ZSWIM5: variants seen among roughly 807,000 people sequenced by gnomAD.
The protein encoded by ZSWIM5 is zinc finger SWIM domain-containing protein 5.
A neutral mutation model predicts 119.6 loss-of-function variants in ZSWIM5; 55 were observed. The ratio of observed to expected loss-of-function variants is 0.46; its 90% CI spans 0.37 to 0.58. ZSWIM5 has a LOEUF of 0.58. ZSWIM5 is among the 20% of genes least tolerant of loss of function. The pLI, the probability that ZSWIM5 is intolerant of heterozygous loss-of-function variation, is 0.00. For missense variants in ZSWIM5, 1,193 were observed against 1,512.8 expected (o/e 0.79, Z 3.51); for synonymous variants, 537 against 606.9 (o/e 0.88, Z 1.69).
At chr1:45,189,524 G>C (rs1478868535) in intron 1 of ZSWIM5, among the ~76,000 whole-genome samples, 1 of 151,842 alleles carries the variant, frequency 6.6e-6, no homozygotes, top group Non-Finnish European at 1.5e-5. Context: ...GGGAGGCCGA[G>C]GTAGGTGGAT....
At chr1:45,080,239 G>A (rs770536675) in intron 2 of ZSWIM5, among the ~76,000 whole-genome samples, 10 of 152,270 alleles carry the variant, frequency 6.6e-5, no homozygotes, top group East Asian at 1.9e-4. Context: ...ACTGCCTTTC[G>A]AGTTTATTTA....
At chr1:45,157,477 C>T (rs1406199524) in intron 1 of ZSWIM5, among the ~76,000 whole-genome samples, 12 of 152,146 alleles carry the variant, frequency 7.9e-5, no homozygotes, top group East Asian at 7.7e-4. Context: ...GCCTGGCCAA[C>T]GAATTATTTT....
At chr1:45,194,187 A>C (rs996139833) in intron 1 of ZSWIM5, among the ~76,000 whole-genome samples, 10 of 152,180 alleles carry the variant, frequency 6.6e-5, no homozygotes, top group African/African-American at 2.4e-4. Context: ...CTTTTCCAGA[A>C]TCTATCAGTG....
chr1:45,059,948 C>G, intron 3 of ZSWIM5, 151 bp downstream of exon 3: 1 of 937,986 alleles, frequency 1.1e-6, no homozygotes, highest in South Asian at 1.7e-5. Flanking sequence ...CTGCTCAGGT[C>G]TGGTCAGCCT....
chr1:45,079,136 A>G (rs566190048), intron 2 of ZSWIM5, among the ~76,000 whole-genome samples: 167 of 151,116 alleles, frequency 1.1e-3, no homozygotes, highest in African/African-American at 3.9e-3. Flanking sequence ...AAGCTCCCCC[A>G]TTGAGCACCT....
intron 1 of ZSWIM5, among the ~76,000 whole-genome samples, chr1:45,165,474 AACTGAAGGAGATAGAGACACAAAAAACCC>A (rs1480093618): frequency 6.6e-6 from 1 of 152,136 alleles, no homozygotes; most frequent in African/African-American, 2.4e-5. Context: ...GTCAGAGCAG[AACTGAAGGAGATAGAGACACAAAAAACCC>A]TTCAAAAAAT....
intron 1 of ZSWIM5, among the ~76,000 whole-genome samples, chr1:45,169,103 TCATCTTTCTTCCAACA>T (rs1345015391): frequency 6.6e-6 from 1 of 152,038 alleles, no homozygotes; most frequent in Non-Finnish European, 1.5e-5. Flanking sequence ...ATAAACAGGC[TCATCTTTCTTCCAACA>T]CATCATGTTC....
Position 45,198,177 on chromosome 1 carries a change from C to T in ZSWIM5, c.595+7579G>A, listed in dbSNP as rs72888976. Among the ~76,000 whole-genome samples, 457 of 152,332 alleles carry T rather than the reference C, an allele frequency of 3.0e-3. 2 individuals are homozygous for T. Among genetic ancestry groups the T allele is most frequent in the African/African-American group, 9.9e-3 (411 of 41,570 alleles). ...AAATTAAAGTTGAACAAACTTTCCA[C>T]TTGACAGGTGCCAAAACCACAGCAT... On this transcript the variant is annotated intron_variant, in intron 1 of 13. Transcript: ENST00000359600.
intron 1 of ZSWIM5, among the ~76,000 whole-genome samples, chr1:45,137,156 T>C (rs1397643157): frequency 6.6e-6 from 1 of 152,136 alleles, no homozygotes; most frequent in Non-Finnish European, 1.5e-5. Context: ...CATAGCTCAT[T>C]GAGGCCAAGT....
intron 12 of ZSWIM5, 131 bp downstream of exon 12, chr1:45,020,494 T>TA: frequency 8.9e-7 from 1 of 1,129,768 alleles, no homozygotes. Flanking sequence ...TTCCCTAGCC[T>TA]AGAACTTGTG....
In ZSWIM5 at chr1:45,051,254, C is replaced by T. The variant is rs758681952; in HGVS notation, c.1253-1G>A. 2 of 1,612,086 alleles carry T rather than the reference C, an allele frequency of 1.2e-6. No individual in the cohort carries two copies. The highest frequency in any genetic ancestry group is 3.4e-5 in the Admixed American group (2 of 59,422). ...AAAATTATGCACACCCATAAAGCCC[C>T]TGGAAAATAAAGCAACCCATATTCT... is the stretch of plus-strand genomic sequence containing the variant. On this transcript the variant is annotated splice_acceptor_variant, in intron 4 of 13. Transcript: ENST00000359600. LOFTEE classifies it high-confidence loss of function.
At position 45,164,293 on chromosome 1, in the gene ZSWIM5, C is replaced by A. The variant is rs929487383; in HGVS notation, c.595+41463G>T. Among the ~76,000 whole-genome samples, 8 of 152,140 alleles carry A rather than the reference C, an allele frequency of 5.3e-5. No homozygotes were observed. In the South Asian group the frequency reaches 6.2e-4, roughly 12 times the overall value. On this transcript the variant is annotated intron_variant, in intron 1 of 13. Coordinates refer to ENST00000359600, the MANE Select transcript of ZSWIM5 (RefSeq NM_020883.2). ...GCTGAGAGATTTTGTCACCACCAGG[C>A]CTGCCCTACAAGAGCTCCTGAAGGA...
chr1:45,164,050 A>G lies in ZSWIM5; in HGVS notation c.595+41706T>C, dbSNP rs376922564. Among the ~76,000 whole-genome samples the G allele has an allele frequency of 7.9e-5, 12 of 152,326 alleles. No individual in the cohort carries two copies. The East Asian group carries it at 1.9e-3, about 24-fold the overall frequency. On this transcript the variant is annotated intron_variant, in intron 1 of 13. Transcript: ENST00000359600. ...CACCAAAGTTGAAATGAAGGAAAAAATGTTGAGGGCAGCCAGAGAGAAAGG... is the reference window on the plus strand; with the variant it reads ...CACCAAAGTTGAAATGAAGGAAAAAGTGTTGAGGGCAGCCAGAGAGAAAGG...
intron 1 of ZSWIM5, among the ~76,000 whole-genome samples, chr1:45,101,059 T>G (rs968761623): frequency 1.6e-4 from 24 of 152,118 alleles, no homozygotes; most frequent in African/African-American, 5.5e-4. Context: ...CTAATTAAAC[T>G]AAAGAGCTTC....
chr1:45,194,757 G>A (rs533635653), intron 1 of ZSWIM5, among the ~76,000 whole-genome samples: 1 of 151,954 alleles, frequency 6.6e-6, no homozygotes, highest in Non-Finnish European at 1.5e-5. Flanking sequence ...GGCATCTGTA[G>A]TCCCAGCTAC....
Position 45,205,922 on chromosome 1 carries a change from G to T in ZSWIM5, c.429C>A (p.Pro143=). Residue 143 remains proline (P), a synonymous_variant, in exon 1 of 14, where the codon CCC becomes CCA. Coordinates refer to ENST00000359600, the MANE Select transcript of ZSWIM5 (RefSeq NM_020883.2). ...CGGAGCCGGCCGGAGCGGCGGCCCC[G>T]GGGGGTGGCTGCGGCCCCTCCTCGG... ...SPAEEGPQPP[P]GAAAPAGSAP... The T allele has an allele frequency of 9.1e-7, 1 of 1,104,568 alleles. No homozygotes were observed. The highest frequency in any genetic ancestry group is 1.1e-6 in the Non-Finnish European group (1 of 906,598). The allele number at this position is 1,104,568 out of a possible 1,614,324, so 68.4% of individuals were successfully genotyped here. A position where few individuals can be genotyped will look rare whatever the true frequency, so the allele number is the denominator to read the frequency against.
chr1:45,143,644 A>G (rs967306839), intron 1 of ZSWIM5, among the ~76,000 whole-genome samples: 4 of 152,156 alleles, frequency 2.6e-5, no homozygotes, highest in African/African-American at 9.7e-5. Context: ...CCTATTGAAC[A>G]CTGTACTGAA....
rs548453133 is a variant in ZSWIM5, at chr1:45,017,349, G to A, written c.*1105C>T. ...TGTTTATACACATGCACTCGTGTACGCAGATACACATACTAAACATGCACA... is the reference window on the plus strand; with the variant it reads ...TGTTTATACACATGCACTCGTGTACACAGATACACATACTAAACATGCACA... On this transcript the variant is annotated 3_prime_UTR_variant, in exon 14 of 14. Transcript: ENST00000359600. The A allele has an allele frequency of 6.6e-6, 1 of 152,156 alleles. No individual in the cohort carries two copies. Among genetic ancestry groups the A allele is most frequent in the African/African-American group, 2.4e-5 (1 of 41,430 alleles). The allele number at this position is 152,156 out of a possible 1,614,324, so 9.4% of individuals were successfully genotyped here.
chr1:45,030,478 T>C (rs533098220), intron 11 of ZSWIM5, among the ~76,000 whole-genome samples: 1 of 151,942 alleles, frequency 6.6e-6, no homozygotes, highest in South Asian at 2.1e-4. Context: ...AACTCCTACC[T>C]TTAGGTTATC....
Sources: gnomAD v4.1 joint callset for allele counts (sites outside exome capture counted in the v4.1 genomes callset) on GRCh38, gnomAD v4.1.1 for gene constraint, MANE v1.5 for transcripts, NCBI Gene and HGNC (gene_info 2026-07-23, HGNC 2026-07-21) for gene names.